The following GFUS variants were observed in gnomAD, a reference collection of about 807,000 sequenced individuals.
The protein encoded by GFUS is GDP-L-fucose synthase.
Under a neutral mutation model 41.5 loss-of-function variants are expected in GFUS, and 42 were observed. The ratio of observed to expected loss-of-function variants is 1.01; its 90% CI spans 0.79 to 1.31. The LOEUF is 1.31. Among genes scored for constraint, GFUS ranks in the 50% most tolerant of loss-of-function variants. The pLI is 0.00. For synonymous variants in GFUS, 188 were observed against 173.4 expected, an observed-to-expected ratio of 1.08 and a Z score of -0.66; for missense variants, 437 against 428.7, an observed-to-expected ratio of 1.02 and a Z score of -0.17.
chr8:143,613,776 A>G lies in GFUS; in HGVS notation c.705T>C (p.Asn235=), dbSNP rs1829642783. The part of the protein sequence containing the change: ...QLFIWVLREY[N]EVEPIILSVG... Reference sequence around the variant, plus strand: ...CGGAGAGGATGATGGGCTCCACTTCATTGTACTCCCGCAGGACCCAGATAA... The same window carrying G: ...CGGAGAGGATGATGGGCTCCACTTCGTTGTACTCCCGCAGGACCCAGATAA... Residue 235 remains asparagine, a synonymous_variant, in exon 8 of 11, where the codon AAT becomes AAC. Transcript: ENST00000425753. 6.4e-7 allele frequency: 1 copy of G among 1,550,872 alleles called. No homozygotes were observed. Among genetic ancestry groups the G allele is most frequent in the Non-Finnish European group, 8.7e-7 (1 of 1,147,018 alleles).
rs779591274 is a variant in GFUS at position 143,616,655 on chromosome 8, C to T, written c.58G>A (p.Gly20Ser). 12 of 1,613,848 alleles carry T rather than the reference C, an allele frequency of 7.4e-6. No individual in the cohort carries two copies. Among genetic ancestry groups the T allele is most frequent in the Non-Finnish European group, 9.3e-6 (11 of 1,180,008 alleles). The change falls in exon 2 of 11, where the codon GGC becomes AGC. Residue 20 changes from glycine to serine, a missense_variant. Physicochemically the swap from Gly to Ser is moderately conservative, Grantham distance 56. Coordinates refer to ENST00000425753, the MANE Select transcript of GFUS (RefSeq NM_003313.4). ...ILVTGGSGLV[G>S]KAIQKVVADG... ...GCTACCACCTTCTGGATGGCTTTGC[C>T]TACCAGCCCAGAGCCCCCTGTCACT...
At chr8:143,615,134 CTA>C (rs1466374014) in intron 3 of GFUS, among the ~76,000 whole-genome samples, 1 of 152,148 alleles carries the variant, frequency 6.6e-6, no homozygotes, top group Non-Finnish European at 1.5e-5. Context: ...CTGCCTTCCA[CTA>C]TGAGGAGAAC....
At chr8:143,615,736 G>A (rs1244221330) in intron 3 of GFUS, 3 of 223,982 alleles carry the variant, frequency 1.3e-5, no homozygotes, top group African/African-American at 2.3e-5. Context: ...CCCGGCTAAG[G>A]GGAGCTGGGC....
chr8:143,615,628 C>T (rs1587305535), intron 3 of GFUS, among the ~76,000 whole-genome samples: 2 of 152,164 alleles, frequency 1.3e-5, no homozygotes, highest in African/African-American at 4.8e-5. Flanking sequence ...CACAGCTAGC[C>T]ACGGCAGGGC....
chr8:143,614,021 G>A (rs1431888511), intron 7 of GFUS, 143 bp downstream of exon 7: 1 of 1,240,682 alleles, frequency 8.1e-7, no homozygotes, highest in Non-Finnish European at 1.1e-6. Flanking sequence ...GAGGACCAGA[G>A]ATGGCTCCTC....
rs1363788000 is a variant in GFUS, at chr8:143,616,174, G to C, written c.193C>G (p.His65Asp). The C allele has an allele frequency of 1.2e-6, 2 of 1,613,892 alleles. No homozygotes were observed. The highest frequency in any genetic ancestry group is 1.1e-5 in the South Asian group (1 of 91,070). ...RALFEKVQPT[H>D]VIHLAAMVGG... ...ACCATTGCAGCAAGATGGATGACGT[G>C]TGTGGGTTGGACCTTCTCAAACAGG... is the stretch of plus-strand genomic sequence containing the variant. Residue 65 changes from histidine (H) to aspartate (D), a missense_variant, in exon 3 of 11, where the codon CAC becomes GAC. Physicochemically the swap from His to Asp is moderately conservative, Grantham distance 81. Transcript: ENST00000425753.
intron 7 of GFUS, 30 bp from the exon 8 acceptor site, chr8:143,613,847 C>A: frequency 6.5e-7 from 1 of 1,550,064 alleles, no homozygotes; most frequent in Non-Finnish European, 8.7e-7. Flanking sequence ...GGTCAGAGAC[C>A]ATGGGTATAG....
chr8:143,616,474 TAGACTC>T, intron 2 of GFUS, 87 bp downstream of exon 2: 1 of 1,584,312 alleles, frequency 6.3e-7, no homozygotes. Flanking sequence ...CAGCTACTGT[TAGACTC>T]AGCAACATGC....
intron 6 of GFUS, 40 bp downstream of exon 6, chr8:143,614,280 C>A (rs181572246): frequency 6.2e-7 from 1 of 1,613,694 alleles, no homozygotes; most frequent in South Asian, 1.1e-5. Flanking sequence ...CACCTCCTCC[C>A]GAGCTGAGCC....
Position 143,616,602 on chromosome 8 carries a change from G to A in GFUS, c.111C>T (p.Asp37=), listed in dbSNP as rs1178084866. The A allele has an allele frequency of 6.2e-7, 1 of 1,613,892 alleles. No individual in the cohort carries two copies. The highest frequency in any genetic ancestry group is 8.5e-7 in the Non-Finnish European group (1 of 1,179,990). ...CGTCTTTAGAGGAGACAAACACCCA[G>A]TCCTCTCCAGGAAGTCCAGCTCCAT... ...VADGAGLPGE[D]WVFVSSKDAD... The change falls in exon 2 of 11, where the codon GAC becomes GAT. Residue 37 remains aspartate, a synonymous_variant. Transcript: ENST00000425753.
rs768335539 is a variant in GFUS, at chr8:143,613,824, G to A, written c.664-7C>T. ...TAAAGAGCTGGGCCAGGTCCTAGAGGTCAGACAGGCAGGGTCAGAGACCAT... is the reference window on the plus strand; with the variant it reads ...TAAAGAGCTGGGCCAGGTCCTAGAGATCAGACAGGCAGGGTCAGAGACCAT... On this transcript the variant is annotated splice_polypyrimidine_tract_variant and splice_region_variant and intron_variant, in intron 7 of 10. Transcript: ENST00000425753. 21 of 1,550,684 alleles carry A rather than the reference G, an allele frequency of 1.4e-5. No individual in the cohort carries two copies. The highest frequency in any genetic ancestry group is 2.4e-5 in the East Asian group (1 of 40,914).
rs780933632 is a variant in GFUS, at chr8:143,616,150, C to G, written c.217G>C (p.Val73Leu). 1.1e-5 allele frequency: 18 copies of G among 1,612,622 alleles called. No individual in the cohort carries two copies. Among genetic ancestry groups the G allele is most frequent in the Non-Finnish European group, 1.5e-5 (18 of 1,179,044 alleles). Reference sequence around the variant, plus strand: ...TTGATATTCCGGAACAGGCCCCCCACCATTGCAGCAAGATGGATGACGTGT... The same window carrying G: ...TTGATATTCCGGAACAGGCCCCCCAGCATTGCAGCAAGATGGATGACGTGT... ...PTHVIHLAAM[V>L]GGLFRNIKYN... The change falls in exon 3 of 11, where the codon GTG becomes CTG. Residue 73 changes from valine to leucine, a missense_variant. Val to Leu is a conservative substitution (Grantham distance 32). Transcript: ENST00000425753.
chr8:143,616,781 A>T lies in GFUS; in HGVS notation c.-11-58T>A, dbSNP rs940302679. The T allele has an allele frequency of 3.1e-6, 5 of 1,601,646 alleles. No individual in the cohort carries two copies. In the African/African-American group the frequency reaches 6.7e-5, roughly 21 times the overall value. ...TCACGCTCTCATCCTTTGGAGCCCCACTCTTCTGTGGCAACTGGCACAGAG... is the reference window on the plus strand; with the variant it reads ...TCACGCTCTCATCCTTTGGAGCCCCTCTCTTCTGTGGCAACTGGCACAGAG... On this transcript the variant is annotated intron_variant, in intron 1 of 10. Coordinates refer to ENST00000425753, the MANE Select transcript of GFUS (RefSeq NM_003313.4).
At chr8:143,616,821 TG>T (rs1829740149) in intron 1 of GFUS, 98 bp from the exon 2 acceptor site, 1 of 1,453,234 alleles carries the variant, frequency 6.9e-7, no homozygotes. Context: ...GCCCTCAGAG[TG>T]GGGCATAGTC....
chr8:143,613,596 C>T lies in GFUS; in HGVS notation c.738G>A (p.Glu246=), dbSNP rs1829635951. The T allele has an allele frequency of 6.2e-7, 1 of 1,612,006 alleles. No homozygotes were observed. Among genetic ancestry groups the T allele is most frequent in the Non-Finnish European group, 8.5e-7 (1 of 1,179,918 alleles). ...CCTCCTTGATGGAGACCTCATCTTC[C>T]TCGCCCACTGTGGGGAGCCACCGGG... ...EVEPIILSVG[E]EDEVSIKEAA... Residue 246 remains glutamate (E), a synonymous_variant, in exon 9 of 11, where the codon GAG becomes GAA. Transcript: ENST00000425753.
chr8:143,618,026 T>G (rs1829772796), upstream of GFUS: 1 of 152,218 alleles, frequency 6.6e-6, no homozygotes, highest in South Asian at 2.1e-4. Flanking sequence ...ACGCCCAGGC[T>G]CGGGCAGCAA....
chr8:143,614,674 G>A lies in GFUS; in HGVS notation c.414C>T (p.Asn138=), dbSNP rs766827095. Residue 138 remains asparagine (N), a synonymous_variant, in exon 5 of 11, where the codon AAC becomes AAT. Coordinates refer to ENST00000425753, the MANE Select transcript of GFUS (RefSeq NM_003313.4). ...TGGCATACGAGTACCCAAAATTGCT[G>A]TTGTGGGGAGGCCCATTGTGGATCT... ...ETMIHNGPPH[N]SNFGYSYAKR... 1.7e-5 allele frequency: 27 copies of A among 1,611,126 alleles called. No individual in the cohort carries two copies. The highest frequency in any genetic ancestry group is 2.3e-5 in the Non-Finnish European group (27 of 1,177,870).
intron 10 of GFUS, 72 bp downstream of exon 10, chr8:143,613,124 C>T: frequency 6.4e-7 from 1 of 1,558,162 alleles, no homozygotes; most frequent in Admixed American, 1.7e-5. Context: ...TCACCTCTGC[C>T]CTGGTAGCGA....
Position 143,614,698 on chromosome 8 carries a change from C to A in GFUS, c.391-1G>T. 6.2e-7 allele frequency: 1 copy of A among 1,613,044 alleles called. No individual in the cohort carries two copies. Among genetic ancestry groups the A allele is most frequent in the Non-Finnish European group, 8.5e-7 (1 of 1,179,500 alleles). ...TGTTGTGGGGAGGCCCATTGTGGAT[C>A]TGCGGGCGTGGGAGAGGCAGAGGCC... On this transcript the variant is annotated splice_acceptor_variant, in intron 4 of 10. Coordinates refer to ENST00000425753, the MANE Select transcript of GFUS (RefSeq NM_003313.4). LOFTEE classifies it high-confidence loss of function.
Sources: gnomAD v4.1 joint callset for allele counts (sites outside exome capture counted in the v4.1 genomes callset) on GRCh38, gnomAD v4.1.1 for gene constraint, MANE v1.5 for transcripts, NCBI Gene and HGNC (gene_info 2026-07-23, HGNC 2026-07-21) for gene names.